The following ATR variants were observed in gnomAD, a reference collection of about 807,000 sequenced individuals.
ATR encodes ATR checkpoint kinase.
In ATR, 142 loss-of-function variants were observed where a neutral mutation model predicts 305.3. The observed-to-expected ratio is 0.47, with a 90% CI of 0.41 to 0.53. The LOEUF (loss-of-function observed/expected upper bound fraction) is 0.53, where lower values mean the gene tolerates loss of function less well. Among genes scored for constraint, ATR ranks in the 20% least tolerant of loss-of-function variants. ATR has a pLI of 0.00. For missense variants in ATR, 2,135 were observed against 3,133.1 expected, an observed-to-expected ratio of 0.68 and a Z score of 7.60; for synonymous variants, 1,050 against 1,068.1, an observed-to-expected ratio of 0.98 and a Z score of 0.33.
chr3:142,534,990 A>T (rs2033800887), intron 21 of ATR, 90 bp downstream of exon 21: 1 of 1,419,456 alleles, frequency 7.0e-7, no homozygotes, highest in Middle Eastern at 2.5e-4. Context: ...CTTTCACTAA[A>T]TCTCAAACAA....
Position 142,513,623 on chromosome 3 carries a change from C to G in ATR, c.4519G>C (p.Ala1507Pro), listed in dbSNP as rs763459447. ...YLITKVRHDL[A>P]SKIFTCCSIM... ...CTACAGCAGGTGAAAATTTTACTGG[C>G]AAGATCATGTCGAACCTGTAAATGC... The change falls in exon 26 of 47, where the codon GCC (alanine) becomes CCC (proline). Residue 1507 changes from alanine (A) to proline (P), a missense_variant. Around this residue, in one of 9 missense-constraint regions of ATR, gnomAD observed 202 missense variants for 252.9 expected, o/e 0.80. Transcript: ENST00000350721. 2.5e-6 allele frequency: 4 copies of G among 1,613,548 alleles called. No homozygotes were observed. Among genetic ancestry groups the G allele is most frequent in the Non-Finnish European group, 3.4e-6 (4 of 1,179,768 alleles).
Position 142,560,295 on chromosome 3 carries a change from A to G in ATR, c.1509T>C (p.Cys503=), listed in dbSNP as rs1198288754. 2.5e-6 allele frequency: 4 copies of G among 1,613,870 alleles called. No individual in the cohort carries two copies. The highest frequency in any genetic ancestry group is 2.2e-5 in the East Asian group (1 of 44,834). The change falls in exon 6 of 47, where the codon TGT becomes TGC. Residue 503 remains cysteine (C), a synonymous_variant. Transcript: ENST00000350721. ...TGTTTTGATGAGAACAATGAACAGT[A>G]CACAGAGCAGTCAGTTGTAAGACAA... ...IAVVLQLTAL[C]TVHCSHQNMN...
chr3:142,515,168 A>G (rs2032805254), intron 25 of ATR, among the ~76,000 whole-genome samples: 1 of 152,174 alleles, frequency 6.6e-6, no homozygotes, highest in Non-Finnish European at 1.5e-5. Flanking sequence ...CACACACATT[A>G]AGACCATAGT....
intron 18 of ATR, among the ~76,000 whole-genome samples, 197 bp from the exon 19 acceptor site, chr3:142,538,822 G>C (rs2108433830): frequency 6.6e-6 from 1 of 151,994 alleles, no homozygotes; most frequent in East Asian, 1.9e-4. Context: ...AAAGCAAGGT[G>C]AAAAACAGTG....
chr3:142,566,212 C>T lies in ATR; in HGVS notation c.201G>A (p.Met67Ile), dbSNP rs750515808. 1 of 1,613,988 alleles carries T rather than the reference C, an allele frequency of 6.2e-7. No individual in the cohort carries two copies. Among genetic ancestry groups the T allele is most frequent in the Non-Finnish European group, 8.5e-7 (1 of 1,179,842 alleles). Reference sequence around the variant, plus strand: ...TGATATGCTGGATGAAATCAAGCAACATCACGGAGGTTGGCTGAGAGTCAG... The same window carrying T: ...TGATATGCTGGATGAAATCAAGCAATATCACGGAGGTTGGCTGAGAGTCAG... The part of the protein sequence containing the change: ...KKTDSQPTSV[M>I]LLDFIQHIMK... The change falls in exon 3 of 47, where the codon ATG (methionine) becomes ATA (isoleucine). Residue 67 changes from methionine to isoleucine, a missense_variant. Physicochemically the swap from Met to Ile is conservative, Grantham distance 10. Coordinates refer to ENST00000350721, the MANE Select transcript of ATR (RefSeq NM_001184.4).
At chr3:142,490,811 G>C (rs957603599) in intron 35 of ATR, among the ~76,000 whole-genome samples, 1 of 152,004 alleles carries the variant, frequency 6.6e-6, no homozygotes, top group Non-Finnish European at 1.5e-5. Flanking sequence ...AAAATCATCA[G>C]GCAATCTTGT....
At chr3:142,467,813 TTGATA>T (rs2071164593) in intron 39 of ATR, 116 bp downstream of exon 39, 4 of 1,122,936 alleles carry the variant, frequency 3.6e-6, no homozygotes, top group Non-Finnish European at 3.7e-6. Flanking sequence ...AATATACATT[TTGATA>T]TATGTGTACA....
At chr3:142,550,948 G>A (rs867589137) in intron 13 of ATR, among the ~76,000 whole-genome samples, 3 of 152,064 alleles carry the variant, frequency 2.0e-5, no homozygotes, top group South Asian at 2.1e-4. Flanking sequence ...CCCCATGCCC[G>A]GTTAATTTTT....
At chr3:142,574,333 A>T (rs1222886044) in intron 1 of ATR, among the ~76,000 whole-genome samples, 1 of 151,774 alleles carries the variant, frequency 6.6e-6, no homozygotes, top group African/African-American at 2.4e-5. Flanking sequence ...ATGGTGGCAC[A>T]CACCTGTAGT....
chr3:142,485,398 A>T, intron 35 of ATR, 116 bp from the exon 36 acceptor site: 3 of 1,225,892 alleles, frequency 2.4e-6, no homozygotes, highest in Non-Finnish European at 3.4e-6. Flanking sequence ...GGCAGAGCAA[A>T]GTCAAAAGCA....
Position 142,550,250 on chromosome 3 carries a change from G to A in ATR, c.2858C>T (p.Pro953Leu), listed in dbSNP as rs754800263. ...TTTTCGCACGTCAGCATTCTGGCAT[G>A]GAGTATTCGGAAGTGCTGTCATCTG... The part of the protein sequence containing the change: ...SSQMTALPNT[P>L]CQNADVRKQD... The change falls in exon 14 of 47, where the codon CCA becomes CTA. Residue 953 changes from proline (P) to leucine (L), a missense_variant. Physicochemically the swap from Pro to Leu is moderately conservative, Grantham distance 98. Around this residue, in one of 9 missense-constraint regions of ATR, gnomAD observed 530 missense variants for 766.8 expected, o/e 0.69. Coordinates refer to ENST00000350721, the MANE Select transcript of ATR (RefSeq NM_001184.4). 1 of 1,614,132 alleles carries A rather than the reference G, an allele frequency of 6.2e-7. No homozygotes were observed. Among genetic ancestry groups the A allele is most frequent in the South Asian group, 1.1e-5 (1 of 91,088 alleles).
At chr3:142,470,267 C>T (rs1427846102) in intron 36 of ATR, 84 bp from the exon 37 acceptor site, 1 of 1,175,978 alleles carries the variant, frequency 8.5e-7, no homozygotes, top group African/African-American at 1.5e-5. Flanking sequence ...TTCAAACTAC[C>T]ACATACCGTT....
rs1442457122 is a variant in ATR at position 142,523,426 on chromosome 3, A to T, written c.4152+567T>A. On this transcript the variant is annotated intron_variant, in intron 22 of 46. Transcript: ENST00000350721. ...CAGAGCGAGACTCCGTCCAAAAAAA[A>T]ACACAAAATGTATACATAGCATCTC... is the stretch of plus-strand genomic sequence containing the variant. Among the ~76,000 whole-genome samples the T allele has an allele frequency of 2.6e-5, 4 of 152,158 alleles. No individual in the cohort carries two copies. In the East Asian group the frequency reaches 7.7e-4, roughly 29 times the overall value.
intron 46 of ATR, chr3:142,450,821 A>G: frequency 7.2e-7 from 1 of 1,389,866 alleles, no homozygotes; most frequent in South Asian, 1.4e-5. Flanking sequence ...CCACAAGCAG[A>G]CAGAGCTTCC....
In ATR at chr3:142,565,590, TAA is replaced by T. The variant is rs1577708619; in HGVS notation, c.292+529_292+530del. Among the ~76,000 whole-genome samples, 3 of 151,986 alleles carry T rather than the reference TAA, an allele frequency of 2.0e-5. No homozygotes were observed. The East Asian group carries it at 5.8e-4, about 29-fold the overall frequency. ...AAGAATGAGCATGGCTGTGTTCTAA[TAA>T]AACTTTGTTTACAAAAACTGAAGCC... On this transcript the variant is annotated intron_variant, in intron 3 of 46. Transcript: ENST00000350721.
chr3:142,463,025 A>G (rs1230783187), intron 41 of ATR, among the ~76,000 whole-genome samples: 1 of 152,176 alleles, frequency 6.6e-6, no homozygotes, highest in African/African-American at 2.4e-5. Flanking sequence ...ACAATCACTG[A>G]TCAAAAATAC....
chr3:142,520,199 T>C (rs1227438779), intron 23 of ATR, among the ~76,000 whole-genome samples: 1 of 152,172 alleles, frequency 6.6e-6, no homozygotes, highest in Non-Finnish European at 1.5e-5. Flanking sequence ...TCGATAAATG[T>C]GGTGTGTGTT....
At chr3:142,536,943 T>C (rs148000559) in intron 19 of ATR, among the ~76,000 whole-genome samples, 7,057 of 152,266 alleles carry the variant, frequency 0.046, 229 homozygotes, top group Non-Finnish European at 0.067. Context: ...TTAATTTCCT[T>C]CTAATATAAT....
At chr3:142,490,348 G>T (rs1162409422) in intron 35 of ATR, among the ~76,000 whole-genome samples, 1 of 152,174 alleles carries the variant, frequency 6.6e-6, no homozygotes, top group Non-Finnish European at 1.5e-5. Flanking sequence ...GAGCCACTGT[G>T]CCTAGCCTCA....
Sources: gnomAD v4.1 joint callset for allele counts (sites outside exome capture counted in the v4.1 genomes callset) on GRCh38, gnomAD v4.1.1 for gene constraint, gnomAD v4.1.1 regional missense constraint, MANE v1.5 for transcripts, NCBI Gene and HGNC (gene_info 2026-07-23, HGNC 2026-07-21) for gene names.